IGF2R: variants seen among roughly 807,000 people sequenced by gnomAD.
IGF2R encodes the protein cation-independent mannose-6-phosphate receptor.
A neutral mutation model predicts 270.6 loss-of-function variants in IGF2R; 91 were observed. The ratio of observed to expected loss-of-function variants is 0.34; its 90% CI spans 0.28 to 0.40. IGF2R has a LOEUF of 0.40. Among genes scored for constraint, IGF2R ranks in the 10% least tolerant of loss-of-function variants. The pLI, the probability that IGF2R is intolerant of heterozygous loss-of-function variation, is 1.00. For synonymous variants in IGF2R, 1,316 were observed against 1,258.9 expected (o/e 1.05, Z -0.96); for missense variants, 2,805 against 3,188.3 (o/e 0.88, Z 2.90).
chr6:160,069,814 G>A (rs922818327), intron 30 of IGF2R, 54 bp from the exon 31 acceptor site: 25 of 1,553,082 alleles, frequency 1.6e-5, no homozygotes, highest in Non-Finnish European at 2.2e-5. Flanking sequence ...ATGAAGTTCT[G>A]TTCTAGCCTG....
intron 1 of IGF2R, among the ~76,000 whole-genome samples, chr6:159,974,215 A>C (rs1322179135): frequency 6.6e-6 from 1 of 152,164 alleles, no homozygotes; most frequent in Non-Finnish European, 1.5e-5. Flanking sequence ...TTCAGCTTTC[A>C]TCTCTCTGCT....
intron 31 of IGF2R, among the ~76,000 whole-genome samples, chr6:160,070,814 C>A: frequency 6.6e-6 from 1 of 152,074 alleles, no homozygotes. Context: ...GGTAGGGGAG[C>A]TTGGGATGGG....
At chr6:160,080,848 T>G (rs889842821) in intron 39 of IGF2R, among the ~76,000 whole-genome samples, 2 of 151,778 alleles carry the variant, frequency 1.3e-5, no homozygotes, top group Admixed American at 6.6e-5. Flanking sequence ...CCAGGCGCGG[T>G]GGCTCACGCC....
intron 4 of IGF2R, among the ~76,000 whole-genome samples, chr6:160,021,336 C>T (rs1051536049): frequency 3.3e-5 from 5 of 150,216 alleles, no homozygotes; most frequent in African/African-American, 1.2e-4. Context: ...AGCAAACTGT[C>T]GCAAGGATAA....
chr6:160,060,540 T>C lies in IGF2R; in HGVS notation c.3092-7T>C, dbSNP rs777413668. The C allele has an allele frequency of 3.7e-6, 6 of 1,614,038 alleles. No homozygotes were observed. Among genetic ancestry groups the C allele is most frequent in the Non-Finnish European group, 5.1e-6 (6 of 1,179,970 alleles). ...TCTCTTAAAATCTGGGCCTTCTTGC[T>C]TTACAGGTACCGCTGATGCTTTTAT... On this transcript the variant is annotated splice_region_variant and splice_polypyrimidine_tract_variant and intron_variant, in intron 22 of 47. Coordinates refer to ENST00000356956, the MANE Select transcript of IGF2R (RefSeq NM_000876.4).
intron 1 of IGF2R, 26 bp from the exon 2 acceptor site, chr6:159,991,158 G>C (rs1001611506): frequency 3.2e-6 from 5 of 1,582,518 alleles, no homozygotes; most frequent in Non-Finnish European, 4.3e-6. Flanking sequence ...CAGTGACATT[G>C]ACAAGTTGTT....
rs80011824 is a variant in IGF2R, at chr6:160,071,173, A to G, written c.4444-737A>G. Among the ~76,000 whole-genome samples, 204 of 108,432 alleles carry G rather than the reference A, an allele frequency of 1.9e-3. 1 individual carries two copies. Among genetic ancestry groups the G allele is most frequent in the African/African-American group, 6.9e-3 (187 of 27,222 alleles). The allele number at this position is 108,432 out of a possible 152,430, so 71.1% of individuals were successfully genotyped here. On this transcript the variant is annotated intron_variant, in intron 31 of 47. Transcript: ENST00000356956. ...CCAGACCCAGGAGGCTGGGAGGGAA[A>G]GGTGAAGGGTGTGTGGAGGCCCTGT...
At chr6:160,045,485 C>T (rs751321201) in intron 13 of IGF2R, among the ~76,000 whole-genome samples, 1 of 152,162 alleles carries the variant, frequency 6.6e-6, no homozygotes, top group Non-Finnish European at 1.5e-5. Context: ...TTTGATCCTC[C>T]CAGACTGAAA....
At chr6:160,013,240 C>G (rs540050835) in intron 4 of IGF2R, among the ~76,000 whole-genome samples, 5 of 151,948 alleles carry the variant, frequency 3.3e-5, no homozygotes, top group African/African-American at 9.7e-5. Flanking sequence ...GGTCAGAAAT[C>G]ACCAACTACA....
At chr6:159,970,607 G>T (rs950703072) in intron 1 of IGF2R, among the ~76,000 whole-genome samples, 4 of 152,156 alleles carry the variant, frequency 2.6e-5, no homozygotes, top group Non-Finnish European at 4.4e-5. Context: ...GAAGGGGAAG[G>T]GTGGATGGAG....
chr6:160,072,944 G>A lies in IGF2R; in HGVS notation c.4690+60G>A, dbSNP rs1319542060. 4 of 1,549,838 alleles carry A rather than the reference G, an allele frequency of 2.6e-6. No individual in the cohort carries two copies. The African/African-American group carries it at 5.5e-5, about 21-fold the overall frequency. ...CTCCCGTCCTCTGGGGTTGTCCTCA[G>A]TCTCTTTGCATGCTAATGGCAAAAA... On this transcript the variant is annotated intron_variant, in intron 33 of 47. Transcript: ENST00000356956.
rs565020827 is a variant in IGF2R at position 160,088,354 on chromosome 6, C to A, written c.6320+207C>A. 2.0e-5 allele frequency among the ~76,000 whole-genome samples: 3 copies of A among 152,370 alleles called. No homozygotes were observed. The South Asian group carries it at 6.2e-4, about 32-fold the overall frequency. On this transcript the variant is annotated intron_variant, in intron 42 of 47. Transcript: ENST00000356956. ...CACTGTTACAAGACCAGTGCAACTTCTCTGGGCTAGCTTGTCTCTTGAACT... is the reference window on the plus strand; with the variant it reads ...CACTGTTACAAGACCAGTGCAACTTATCTGGGCTAGCTTGTCTCTTGAACT...
chr6:160,039,392 T>G (rs1015454297), intron 10 of IGF2R, among the ~76,000 whole-genome samples: 2 of 152,234 alleles, frequency 1.3e-5, no homozygotes, highest in Admixed American at 1.3e-4. Context: ...AATGTTGTTA[T>G]GCAGCACGTA....
At chr6:159,979,235 T>A (rs1783741768) in intron 1 of IGF2R, among the ~76,000 whole-genome samples, 1 of 152,170 alleles carries the variant, frequency 6.6e-6, no homozygotes, top group African/African-American at 2.4e-5. Flanking sequence ...GAATCAGTTA[T>A]ACATTTTAAA....
chr6:160,009,423 C>CT (rs1040269843), intron 3 of IGF2R, among the ~76,000 whole-genome samples: 3 of 151,650 alleles, frequency 2.0e-5, no homozygotes, highest in East Asian at 1.9e-4. Flanking sequence ...TATAGGCATA[C>CT]TTTTTTTTTC....
At chr6:160,054,596 A>G (rs1778270783) in intron 19 of IGF2R, among the ~76,000 whole-genome samples, 1 of 152,206 alleles carries the variant, frequency 6.6e-6, no homozygotes, top group South Asian at 2.1e-4. Flanking sequence ...GTTAACGAGG[A>G]AAGGGGTGTA....
Position 160,060,687 on chromosome 6 carries a change from G to A in IGF2R, c.3232G>A (p.Val1078Ile), listed in dbSNP as rs757000799. 2 of 1,614,150 alleles carry A rather than the reference G, an allele frequency of 1.2e-6. No individual in the cohort carries two copies. Among genetic ancestry groups the A allele is most frequent in the Admixed American group, 3.3e-5 (2 of 60,012 alleles). ...TGAGTTTGAAACCGCGTTGGCCTGT[G>A]TTCCTTCTCCAGTGGACTGCCAAGT... ...YFEFETALACVPSPVDCQVTD... is the reference protein window; with the variant it reads ...YFEFETALACIPSPVDCQVTD... The change falls in exon 23 of 48, where the codon GTT (valine) becomes ATT (isoleucine). Residue 1078 changes from valine to isoleucine, a missense_variant. This residue lies in a region of IGF2R where 1,851 missense variants were observed against 2,207.2 expected (regional missense o/e 0.84). Transcript: ENST00000356956.
At chr6:160,092,070 T>C (rs1779239234) in intron 44 of IGF2R, among the ~76,000 whole-genome samples, 1 of 151,626 alleles carries the variant, frequency 6.6e-6, no homozygotes, top group African/African-American at 2.4e-5. Flanking sequence ...CACCTTCTCA[T>C]AGCAGGGTGA....
At chr6:160,029,141 C>T (rs1777635095) in intron 6 of IGF2R, among the ~76,000 whole-genome samples, 1 of 152,090 alleles carries the variant, frequency 6.6e-6, no homozygotes, top group South Asian at 2.1e-4. Context: ...CTACCATGCC[C>T]AGCTAATTTT....
Sources: gnomAD v4.1 joint callset for allele counts (sites outside exome capture counted in the v4.1 genomes callset) on GRCh38, gnomAD v4.1.1 for gene constraint, gnomAD v4.1.1 regional missense constraint, MANE v1.5 for transcripts, NCBI Gene and HGNC (gene_info 2026-07-23, HGNC 2026-07-21) for gene names.